The following MERTK variants were observed in gnomAD, a reference collection of about 807,000 sequenced individuals.
MERTK encodes the protein tyrosine-protein kinase Mer.
MERTK carries 69 observed loss-of-function variants against 99.3 expected under a neutral mutation model. That is an observed-to-expected ratio of 0.70 (90% CI 0.57 to 0.85). The LOEUF (loss-of-function observed/expected upper bound fraction) is 0.85. Ranked by LOEUF, MERTK falls within the 40% of genes least tolerant of loss-of-function variation. MERTK has a pLI of 0.00. For missense variants in MERTK, 1,125 were observed against 1,249.4 expected (o/e 0.90, Z 1.50); for synonymous variants, 426 against 467.6 (o/e 0.91, Z 1.15).
intron 5 of MERTK, among the ~76,000 whole-genome samples, chr2:111,967,627 C>T (rs1034751447): frequency 1.3e-5 from 2 of 152,248 alleles, no homozygotes; most frequent in African/African-American, 4.8e-5. Flanking sequence ...GCTCCCCCTA[C>T]ACATGCACAC....
At chr2:112,017,544 C>G (rs1029967157) in intron 15 of MERTK, among the ~76,000 whole-genome samples, 7 of 151,842 alleles carry the variant, frequency 4.6e-5, no homozygotes, top group African/African-American at 1.7e-4. Flanking sequence ...GCAGGAGAAT[C>G]GCTTGAACCT....
At chr2:111,930,992 C>T (rs1056700504) in intron 2 of MERTK, among the ~76,000 whole-genome samples, 1 of 152,168 alleles carries the variant, frequency 6.6e-6, no homozygotes, top group Admixed American at 6.5e-5. Context: ...GAAGCAAGAG[C>T]CTTTTTCCTG....
chr2:111,911,516 G>A (rs774844245), intron 1 of MERTK, among the ~76,000 whole-genome samples: 17 of 151,494 alleles, frequency 1.1e-4, no homozygotes, highest in Non-Finnish European at 2.4e-4. Context: ...AGTCTCCCGA[G>A]TAGTTGGGAT....
chr2:111,945,082 C>G (rs758379790), intron 3 of MERTK, 22 bp downstream of exon 3: 1 of 1,570,990 alleles, frequency 6.4e-7, no homozygotes, highest in Non-Finnish European at 8.8e-7. Context: ...GACCAGAGTC[C>G]CATTGCCAGA....
Position 112,021,517 on chromosome 2 carries a change from TG to T in MERTK, c.2286del (p.Met762IlefsTer8), listed in dbSNP as rs1677348866. 6.2e-7 allele frequency: 1 copy of T among 1,613,856 alleles called. No homozygotes were observed. The highest frequency in any genetic ancestry group is 1.3e-5 in the African/African-American group (1 of 74,894). On this transcript the variant is annotated frameshift_variant, in exon 17 of 19. Transcript: ENST00000295408. LOFTEE classifies it high-confidence loss of function. ...TACCGCCAAGGCCGCATTGCTAAGATGCCTGTTAAATGGATCGCCATAGAAA... is the reference window on the plus strand; with the variant it reads ...TACCGCCAAGGCCGCATTGCTAAGATCCTGTTAAATGGATCGCCATAGAAA... ...DYYRQGRIAK[M>X]PVKWIAIESL... is the part of the protein sequence containing the mutation.
intron 9 of MERTK, chr2:111,997,075 TGTGGAGTACA>T (rs1457270173): frequency 8.2e-6 from 5 of 611,672 alleles, no homozygotes; most frequent in Non-Finnish European, 1.5e-5. Flanking sequence ...TGTATATACC[TGTGGAGTACA>T]GTGTGACATT....
rs1684622470 is a variant in MERTK at position 111,929,187 on chromosome 2, G to A, written c.129G>A (p.Leu43=). 6.2e-7 allele frequency: 1 copy of A among 1,614,170 alleles called. No individual in the cohort carries two copies. The highest frequency in any genetic ancestry group is 1.6e-4 in the Middle Eastern group (1 of 6,062). The change falls in exon 2 of 19, where the codon CTG becomes CTA. Residue 43 remains leucine, a synonymous_variant. Coordinates refer to ENST00000295408, the MANE Select transcript of MERTK (RefSeq NM_006343.3). Reference sequence around the variant, plus strand: ...TCCCGGGACCTTTTCCAGGGAGCCTGCAAACTGACCACACACCGCTGTTAT... The same window carrying A: ...TCCCGGGACCTTTTCCAGGGAGCCTACAAACTGACCACACACCGCTGTTAT... ...PLFPGPFPGS[L]QTDHTPLLSL... is the part of the protein sequence containing the mutation.
intron 5 of MERTK, among the ~76,000 whole-genome samples, chr2:111,966,787 A>G (rs1454034786): frequency 6.6e-6 from 1 of 152,114 alleles, no homozygotes; most frequent in East Asian, 1.9e-4. Flanking sequence ...GTCAAACCTT[A>G]TTCTTCCCCA....
At chr2:111,994,657 T>C (rs1676697756) in intron 9 of MERTK, 1 of 473,628 alleles carries the variant, frequency 2.1e-6, no homozygotes, top group Non-Finnish European at 4.0e-6. Flanking sequence ...ATCATGCCTG[T>C]TGTCCCAGCT....
At chr2:112,007,088 T>TC (rs1676995652) in intron 13 of MERTK, among the ~76,000 whole-genome samples, 1 of 152,164 alleles carries the variant, frequency 6.6e-6, no homozygotes, top group Non-Finnish European at 1.5e-5. Flanking sequence ...AGTGTACAAT[T>TC]CAGTGGTATT....
chr2:111,907,674 A>G lies in MERTK; in HGVS notation c.61+8878A>G, dbSNP rs552991235. Among the ~76,000 whole-genome samples, 3 of 152,296 alleles carry G rather than the reference A, an allele frequency of 2.0e-5. No individual in the cohort carries two copies. The South Asian group carries it at 6.2e-4, about 32-fold the overall frequency. On this transcript the variant is annotated intron_variant, in intron 1 of 18. Transcript: ENST00000295408. ...GTGGGGCATATCCCCCCTGAGGGGGAACAGCAGAATCTTCAGGATCAGGGA... is the reference window on the plus strand; with the variant it reads ...GTGGGGCATATCCCCCCTGAGGGGGGACAGCAGAATCTTCAGGATCAGGGA...
intron 2 of MERTK, among the ~76,000 whole-genome samples, chr2:111,944,162 T>C (rs987179160): frequency 6.6e-6 from 1 of 152,018 alleles, no homozygotes; most frequent in African/African-American, 2.4e-5. Flanking sequence ...TAATCGGGCA[T>C]GGTGGCGCAT....
intron 15 of MERTK, among the ~76,000 whole-genome samples, chr2:112,014,102 A>G (rs1362432811): frequency 6.6e-6 from 1 of 150,852 alleles, no homozygotes; most frequent in Non-Finnish European, 1.5e-5. Flanking sequence ...GCTCACTGCA[A>G]GCTCCACCTC....
rs187118463 is a variant in MERTK, at chr2:111,920,779, C to T, written c.62-8341C>T. On this transcript the variant is annotated intron_variant, in intron 1 of 18. Coordinates refer to ENST00000295408, the MANE Select transcript of MERTK (RefSeq NM_006343.3). The stretch of plus-strand genomic sequence containing the variant: ...AGCAATTCTCCCTGCCTCACCCTCC[C>T]GAGTAGCTGGGATTACAGGCGCCTG... Among the ~76,000 whole-genome samples the T allele has an allele frequency of 6.7e-3, 1,012 of 150,568 alleles. 31 individuals carry two copies. Among genetic ancestry groups the T allele is most frequent in the Admixed American group, 0.058 (871 of 15,072 alleles).
At chr2:111,925,754 G>A (rs1481246856) in intron 1 of MERTK, among the ~76,000 whole-genome samples, 1 of 152,056 alleles carries the variant, frequency 6.6e-6, no homozygotes, top group Non-Finnish European at 1.5e-5. Flanking sequence ...GAAAACTGAA[G>A]ATTATACCCC....
At chr2:111,918,609 T>C (rs1347254722) in intron 1 of MERTK, among the ~76,000 whole-genome samples, 3 of 152,220 alleles carry the variant, frequency 2.0e-5, no homozygotes, top group Non-Finnish European at 4.4e-5. Flanking sequence ...AAACATGATA[T>C]TGTATACAGT....
At chr2:111,928,646 C>G (rs1210106604) in intron 1 of MERTK, among the ~76,000 whole-genome samples, 1 of 152,050 alleles carries the variant, frequency 6.6e-6, no homozygotes, top group East Asian at 1.9e-4. Flanking sequence ...CCACCATGCC[C>G]AGCTAATTTT....
intron 14 of MERTK, chr2:112,008,815 T>C: frequency 2.7e-6 from 1 of 375,594 alleles, no homozygotes; most frequent in Non-Finnish European, 5.1e-6. Flanking sequence ...TATGCATGAG[T>C]TAGATAGCAG....
intron 13 of MERTK, among the ~76,000 whole-genome samples, chr2:112,007,794 A>T (rs529125306): frequency 2.6e-4 from 39 of 152,160 alleles, no homozygotes; most frequent in African/African-American, 6.3e-4. Context: ...TTCTTTTTTT[A>T]AAAAAAGCAA....
Sources: gnomAD v4.1 joint callset for allele counts (sites outside exome capture counted in the v4.1 genomes callset) on GRCh38, gnomAD v4.1.1 for gene constraint, MANE v1.5 for transcripts, NCBI Gene and HGNC (gene_info 2026-07-23, HGNC 2026-07-21) for gene names.